The following MEGF11 variants were observed in gnomAD, a reference collection of about 807,000 sequenced individuals.
MEGF11 encodes multiple EGF like domains 11, also known as multiple epidermal growth factor-like domains protein 11.
In MEGF11, 126 loss-of-function variants were observed where a neutral mutation model predicts 146.6. The observed-to-expected ratio is 0.86, with a 90% CI of 0.74 to 1.00. The LOEUF is 1.00. Among genes scored for constraint, MEGF11 ranks in the 50% least tolerant of loss-of-function variants. The pLI is 0.00. For synonymous variants in MEGF11, 532 were observed against 583.4 expected (o/e 0.91, Z 1.27); for missense variants, 1,509 against 1,521.2 (o/e 0.99, Z 0.13).
chr15:66,092,810 A>C (rs1416605609), intron 5 of MEGF11, among the ~76,000 whole-genome samples: 1 of 152,222 alleles, frequency 6.6e-6, no homozygotes, highest in East Asian at 1.9e-4. Context: ...AACCTCCAAT[A>C]GGCTGCCTTC....
At chr15:66,184,705 A>C (rs2090647674) in intron 1 of MEGF11, among the ~76,000 whole-genome samples, 3 of 139,904 alleles carry the variant, frequency 2.1e-5, no homozygotes, top group Admixed American at 7.2e-5. Flanking sequence ...CTCACTCTCC[A>C]CCCCTGCCTC....
chr15:66,065,298 G>A (rs1423910242), intron 5 of MEGF11, among the ~76,000 whole-genome samples: 5 of 149,074 alleles, frequency 3.4e-5, no homozygotes, highest in Non-Finnish European at 7.4e-5. Flanking sequence ...ATTCTATGAT[G>A]GTGAAAAAAA....
At chr15:66,004,763 C>T (rs1179487042) in intron 5 of MEGF11, among the ~76,000 whole-genome samples, 3 of 152,168 alleles carry the variant, frequency 2.0e-5, no homozygotes, top group Admixed American at 6.5e-5. Flanking sequence ...AGGTTGGACT[C>T]TGTGACCTGA....
intron 1 of MEGF11, among the ~76,000 whole-genome samples, chr15:66,149,855 C>T (rs1357980323): frequency 2.0e-5 from 3 of 152,228 alleles, no homozygotes; most frequent in Non-Finnish European, 4.4e-5. Context: ...TGATGATGGC[C>T]ACACCAGGGC....
At chr15:65,919,636 G>T (rs888510783) in intron 15 of MEGF11, among the ~76,000 whole-genome samples, 11 of 152,160 alleles carry the variant, frequency 7.2e-5, no homozygotes, top group African/African-American at 1.7e-4. Context: ...CAAACCTTTG[G>T]TTTTTTTGTT....
intron 5 of MEGF11, among the ~76,000 whole-genome samples, chr15:66,044,406 T>C (rs980975411): frequency 1.3e-5 from 2 of 152,144 alleles, no homozygotes; most frequent in Non-Finnish European, 2.9e-5. Flanking sequence ...CAGTCCACAT[T>C]GTGAACTTCT....
intron 1 of MEGF11, among the ~76,000 whole-genome samples, chr15:66,146,973 T>C (rs983732669): frequency 2.6e-5 from 4 of 152,268 alleles, no homozygotes; most frequent in Admixed American, 1.3e-4. Context: ...TCAGTACCAC[T>C]CCTGAAGCCA....
intron 1 of MEGF11, among the ~76,000 whole-genome samples, chr15:66,152,228 C>T (rs1225236803): frequency 6.6e-6 from 1 of 152,160 alleles, no homozygotes; most frequent in African/African-American, 2.4e-5. Flanking sequence ...ATGAACCCAC[C>T]TTGGTCTCAA....
chr15:66,159,576 A>G (rs955424503), intron 1 of MEGF11, among the ~76,000 whole-genome samples: 3 of 152,202 alleles, frequency 2.0e-5, no homozygotes, highest in Admixed American at 2.0e-4. Context: ...TCCCAGCCAC[A>G]GAAGGACACT....
chr15:65,906,516 G>C, intron 23 of MEGF11: 1 of 189,776 alleles, frequency 5.3e-6, no homozygotes, highest in Non-Finnish European at 1.1e-5. Flanking sequence ...CAAGGGTATA[G>C]GATAAGGAAT....
chr15:66,155,657 C>G (rs1023267458), intron 1 of MEGF11, among the ~76,000 whole-genome samples: 2 of 152,186 alleles, frequency 1.3e-5, no homozygotes, highest in South Asian at 2.1e-4. Context: ...TGATCTCCCC[C>G]ATAAGCCTGT....
intron 5 of MEGF11, among the ~76,000 whole-genome samples, chr15:66,028,657 T>C (rs933031465): frequency 2.6e-5 from 4 of 152,124 alleles, no homozygotes; most frequent in African/African-American, 7.2e-5. Flanking sequence ...GGTCAAACAA[T>C]AGGGGAATTG....
At chr15:66,216,389 G>A (rs1047634752) in intron 1 of MEGF11, among the ~76,000 whole-genome samples, 1 of 152,238 alleles carries the variant, frequency 6.6e-6, no homozygotes, top group Non-Finnish European at 1.5e-5. Context: ...CAGAACCGCA[G>A]AAGGGTCAGG....
intron 1 of MEGF11, among the ~76,000 whole-genome samples, chr15:66,170,468 A>G (rs1285637459): frequency 6.6e-6 from 1 of 152,204 alleles, no homozygotes; most frequent in East Asian, 1.9e-4. Flanking sequence ...TCTGAGCTGA[A>G]TCCACTCAGT....
chr15:66,058,683 G>A (rs2084778167), intron 5 of MEGF11, among the ~76,000 whole-genome samples: 2 of 152,132 alleles, frequency 1.3e-5, no homozygotes, highest in South Asian at 4.1e-4. Context: ...TCTCTGTAGG[G>A]AGGCATCAGG....
At chr15:66,040,891 C>T (rs1235081534) in intron 5 of MEGF11, among the ~76,000 whole-genome samples, 5 of 148,720 alleles carry the variant, frequency 3.4e-5, no homozygotes, top group African/African-American at 1.2e-4. Flanking sequence ...ACTATAGATT[C>T]GTATCCACTC....
intron 1 of MEGF11, among the ~76,000 whole-genome samples, chr15:66,149,862 G>A (rs2089499787): frequency 6.6e-6 from 1 of 152,212 alleles, no homozygotes; most frequent in Admixed American, 6.5e-5. Flanking sequence ...GGCCACACCA[G>A]GGCTTCCCAG....
intron 1 of MEGF11, among the ~76,000 whole-genome samples, chr15:66,187,166 G>C (rs1465838856): frequency 2.0e-5 from 3 of 152,172 alleles, no homozygotes; most frequent in Non-Finnish European, 4.4e-5. Flanking sequence ...TATTGTTTTG[G>C]GATAATTCCA....
chr15:66,085,022 A>G (rs2086047117), intron 5 of MEGF11, among the ~76,000 whole-genome samples: 1 of 152,098 alleles, frequency 6.6e-6, no homozygotes, highest in South Asian at 2.1e-4. Flanking sequence ...TTTGATTTGC[A>G]TGGGAGCTGG....
Sources: gnomAD v4.1 joint callset for allele counts (sites outside exome capture counted in the v4.1 genomes callset) on GRCh38, gnomAD v4.1.1 for gene constraint, MANE v1.5 for transcripts, NCBI Gene and HGNC (gene_info 2026-07-23, HGNC 2026-07-21) for gene names.